ESPN: variants seen among roughly 807,000 people sequenced by gnomAD.
The protein encoded by ESPN is autosomal recessive deafness type 36 protein.
ESPN carries 68 observed loss-of-function variants against 77.7 expected under a neutral mutation model. That is an observed-to-expected ratio of 0.87 (90% CI 0.72 to 1.07). The LOEUF is 1.07. Among genes scored for constraint, ESPN ranks in the 50% least tolerant of loss-of-function variants. The pLI is 0.00. For synonymous variants in ESPN, 449 were observed against 567.1 expected (o/e 0.79, Z 2.96); for missense variants, 1,060 against 1,239.0 (o/e 0.86, Z 2.17).
At chr1:6,429,427 C>T (rs956315791) in intron 2 of ESPN, among the ~76,000 whole-genome samples, 1 of 152,078 alleles carries the variant, frequency 6.6e-6, no homozygotes, top group Non-Finnish European at 1.5e-5. Flanking sequence ...CCAACTGGCT[C>T]CTGTCAGCAC....
chr1:6,436,104 C>T lies in ESPN; in HGVS notation c.489-4150C>T, dbSNP rs538512801. On this transcript the variant is annotated intron_variant, in intron 2 of 12. Transcript: ENST00000645284. ...CCTGAGTTCCCAGCAGTGAGGTCTG[C>T]GGGAGAAGGGCAGTGGTCTGTGCGG... is the stretch of plus-strand genomic sequence containing the variant. 3.2e-4 allele frequency among the ~76,000 whole-genome samples: 48 copies of T among 152,116 alleles called. No individual in the cohort carries two copies. In the South Asian group the frequency reaches 9.2e-3, roughly 29 times the overall value.
Position 6,452,046 on chromosome 1 carries a change from G to A in ESPN, c.2275G>A (p.Val759Met), listed in dbSNP as rs758958049. Residue 759 changes from valine (V) to methionine (M), a missense_variant, in exon 10 of 13, where the codon GTG becomes ATG. By Grantham distance (21) the Val-to-Met change is conservative. Around this residue, in one of 3 missense-constraint regions of ESPN, gnomAD observed 374 missense variants for 381.4 expected, o/e 0.98. Transcript: ENST00000645284. ...CCCCGAGTGGAAGCGCCAGGTGATGGTGCGCAAGATGCAGCTGAAGATGCA... is the reference window on the plus strand; with the variant it reads ...CCCCGAGTGGAAGCGCCAGGTGATGATGCGCAAGATGCAGCTGAAGATGCA... ...PIPEWKRQVM[V>M]RKMQLKMQEE... The A allele has an allele frequency of 4.9e-5, 78 of 1,578,360 alleles. No homozygotes were observed. The highest frequency in any genetic ancestry group is 8.6e-7 in the Non-Finnish European group (1 of 1,161,210).
intron 2 of ESPN, among the ~76,000 whole-genome samples, chr1:6,439,266 TCA>T (rs1374948409): frequency 6.6e-6 from 1 of 152,226 alleles, no homozygotes; most frequent in Non-Finnish European, 1.5e-5. Context: ...GCTTTGAATC[TCA>T]GATAAACAAG....
chr1:6,456,614 C>A, intron 10 of ESPN: 1 of 194,092 alleles, frequency 5.2e-6, no homozygotes, highest in Non-Finnish European at 1.1e-5. Flanking sequence ...GTGAAGTGTG[C>A]CGTGTACAGA....
At chr1:6,452,956 G>A (rs1392401059) in intron 10 of ESPN, among the ~76,000 whole-genome samples, 3 of 151,956 alleles carry the variant, frequency 2.0e-5, no homozygotes, top group African/African-American at 4.8e-5. Context: ...ACAGTGGTGC[G>A]ATCTCGACTC....
In ESPN at chr1:6,441,073, C is replaced by T. The variant is rs1186831545; in HGVS notation, c.990+8C>T. 1 of 1,609,902 alleles carries T rather than the reference C, an allele frequency of 6.2e-7. No individual in the cohort carries two copies. The highest frequency in any genetic ancestry group is 8.5e-7 in the Non-Finnish European group (1 of 1,178,948). ...CGCACGGTGGAGAACCTGGTACGAT[C>T]CCTGAGCTGCTCCTGTCGCATTCTT... is the stretch of plus-strand genomic sequence containing the variant. On this transcript the variant is annotated splice_region_variant and intron_variant, in intron 5 of 12. Transcript: ENST00000645284.
chr1:6,457,662 T>C lies in ESPN; in HGVS notation c.2417+290T>C, dbSNP rs1350816373. Among the ~76,000 whole-genome samples, 14 of 152,282 alleles carry C rather than the reference T, an allele frequency of 9.2e-5. No homozygotes were observed. The East Asian group carries it at 2.7e-3, about 29-fold the overall frequency. ...GCCCTCAGAATGTACTTTCTGCCCC[T>C]AGTCATCTCACCCAGCCCAGTGCTG... is the stretch of plus-strand genomic sequence containing the variant. On this transcript the variant is annotated intron_variant, in intron 12 of 12. Coordinates refer to ENST00000645284, the MANE Select transcript of ESPN (RefSeq NM_031475.3).
intron 12 of ESPN, among the ~76,000 whole-genome samples, chr1:6,459,070 G>A (rs1257518214): frequency 2.6e-5 from 4 of 151,760 alleles, no homozygotes; most frequent in East Asian, 1.9e-4. Flanking sequence ...GTGAAACCCC[G>A]TCTCTACTAA....
Position 6,425,004 on chromosome 1 carries a change from G to A in ESPN, c.49G>A (p.Val17Met), listed in dbSNP as rs932347379. 8 of 1,466,640 alleles carry A rather than the reference G, an allele frequency of 5.5e-6. No individual in the cohort carries two copies. In the South Asian group the frequency reaches 6.4e-5, roughly 12 times the overall value. The allele number at this position is 1,466,640 out of a possible 1,614,324, so 90.9% of individuals were successfully genotyped here. A position where few individuals can be genotyped will look rare whatever the true frequency, so the allele number is the denominator to read the frequency against. The change falls in exon 1 of 13, where the codon GTG becomes ATG. Residue 17 changes from valine to methionine, a missense_variant. By Grantham distance (21) the Val-to-Met change is conservative. Around this residue, in one of 3 missense-constraint regions of ESPN, gnomAD observed 556 missense variants for 633.6 expected, o/e 0.88. Coordinates refer to ENST00000645284, the MANE Select transcript of ESPN (RefSeq NM_031475.3). ...LQAARQGELD[V>M]LRSLHAAGLL... Reference sequence around the variant, plus strand: ...GGCGGCGCGGCAGGGCGAGCTGGACGTGCTGAGGTCGCTGCACGCCGCAGG... The same window carrying A: ...GGCGGCGCGGCAGGGCGAGCTGGACATGCTGAGGTCGCTGCACGCCGCAGG...
intron 2 of ESPN, among the ~76,000 whole-genome samples, chr1:6,430,696 G>A (rs1474515691): frequency 3.9e-5 from 6 of 152,116 alleles, no homozygotes; most frequent in Admixed American, 1.3e-4. Context: ...GCTTGAACCC[G>A]GCAGACGGAG....
intron 7 of ESPN, chr1:6,448,207 C>G (rs12732682): frequency 0.2 from 30,327 of 154,110 alleles, 6,545 homozygotes; most frequent in African/African-American, 0.54. Context: ...CCTCCGGCCC[C>G]GGACCCCCGA....
At position 6,450,731 on chromosome 1, in the gene ESPN, A is replaced by G. The variant is rs192485106; in HGVS notation, c.1916-872A>G. Among the ~76,000 whole-genome samples, 37 of 149,532 alleles carry G rather than the reference A, an allele frequency of 2.5e-4. No individual in the cohort carries two copies. Among genetic ancestry groups the G allele is most frequent in the African/African-American group, 8.9e-4 (36 of 40,588 alleles). On this transcript the variant is annotated intron_variant, in intron 8 of 12. Coordinates refer to ENST00000645284, the MANE Select transcript of ESPN (RefSeq NM_031475.3). This position sits in a 1 kb window ranked among gnomAD's most constrained non-coding sequence, Gnocchi z 4.3. Reference sequence around the variant, plus strand: ...GCCACACCGATTTTCCCTTTCTCCTACTCTTCTCCCCCACCACCCCCACCC... The same window carrying G: ...GCCACACCGATTTTCCCTTTCTCCTGCTCTTCTCCCCCACCACCCCCACCC...
intron 11 of ESPN, 22 bp from the exon 12 acceptor site, chr1:6,457,339 C>CAA: frequency 6.2e-7 from 1 of 1,614,236 alleles, no homozygotes; most frequent in Non-Finnish European, 8.5e-7. Context: ...TACCAAGTGA[C>CAA]ACTGTCTCTT....
chr1:6,452,708 C>G (rs1643971080), intron 10 of ESPN, among the ~76,000 whole-genome samples: 1 of 152,198 alleles, frequency 6.6e-6, no homozygotes, highest in Non-Finnish European at 1.5e-5. Context: ...CACTGAGTAG[C>G]CAAGAGGGCT....
chr1:6,429,475 C>T (rs1447059002), intron 2 of ESPN, among the ~76,000 whole-genome samples: 1 of 152,106 alleles, frequency 6.6e-6, no homozygotes, highest in Non-Finnish European at 1.5e-5. Context: ...GTTAGACTCT[C>T]CAGGTTGGGG....
chr1:6,444,248 A>G (rs549677638), intron 5 of ESPN, among the ~76,000 whole-genome samples: 1 of 152,182 alleles, frequency 6.6e-6, no homozygotes, highest in South Asian at 2.1e-4. Context: ...ATCAGGGAGG[A>G]GCCAGGGGAG....
chr1:6,440,148 A>T, intron 2 of ESPN, 106 bp from the exon 3 acceptor site: 1 of 1,244,858 alleles, frequency 8.0e-7, no homozygotes, highest in Non-Finnish European at 1.1e-6. Context: ...TTTCCCACCC[A>T]CTCTCCCTGC....
intron 1 of ESPN, among the ~76,000 whole-genome samples, chr1:6,425,661 C>T (rs1323881930): frequency 6.6e-6 from 1 of 152,248 alleles, no homozygotes; most frequent in East Asian, 1.9e-4. Context: ...CCACAGCCCA[C>T]CCGAGGCTGA....
chr1:6,447,647 G>A lies in ESPN; in HGVS notation c.1465-994G>A, dbSNP rs1257526412. ...ACGCTGTCACCCGACCCCGCCTTAC[G>A]GCCCCTGAAATCCGAGGCTTGAGCG... On this transcript the variant is annotated intron_variant, in intron 7 of 12. Coordinates refer to ENST00000645284, the MANE Select transcript of ESPN (RefSeq NM_031475.3). This position sits in a 1 kb window ranked among gnomAD's most constrained non-coding sequence, Gnocchi z 5.2. 1.3e-5 allele frequency among the ~76,000 whole-genome samples: 2 copies of A among 152,226 alleles called. No homozygotes were observed. Among genetic ancestry groups the A allele is most frequent in the Non-Finnish European group, 2.9e-5 (2 of 68,032 alleles).
Sources: gnomAD v4.1 joint callset for allele counts (sites outside exome capture counted in the v4.1 genomes callset) on GRCh38, gnomAD v4.1.1 for gene constraint, gnomAD v4.1.1 regional missense constraint, Gnocchi (gnomAD v3.1) non-coding constraint, MANE v1.5 for transcripts, NCBI Gene and HGNC (gene_info 2026-07-23, HGNC 2026-07-21) for gene names.